Variants in ROBO2 observed in about 807,000 individuals in gnomAD.
ROBO2 encodes roundabout homolog 2.
In ROBO2, 53 loss-of-function variants were observed where a neutral mutation model predicts 160.8. The ratio of observed to expected loss-of-function variants is 0.33; its 90% CI spans 0.26 to 0.41. The LOEUF (loss-of-function observed/expected upper bound fraction) is 0.41. Ranked by LOEUF, ROBO2 falls within the 10% of genes least tolerant of loss-of-function variation. The pLI, the probability that ROBO2 is intolerant of heterozygous loss-of-function variation, is 1.00. For missense variants in ROBO2, 1,577 were observed against 1,722.4 expected (o/e 0.92, Z 1.49); for synonymous variants, 664 against 611.7 (o/e 1.09, Z -1.26).
chr3:76,115,106 T>G (rs2070404560), intron 2 of ROBO2, among the ~76,000 whole-genome samples: 1 of 152,128 alleles, frequency 6.6e-6, no homozygotes, highest in Admixed American at 6.6e-5. Context: ...GAACTCAACT[T>G]CGCATAAATC....
At chr3:77,524,282 A>AATATATAT (rs10637272) in intron 6 of ROBO2, among the ~76,000 whole-genome samples, 28 of 148,416 alleles carry the variant, frequency 1.9e-4, no homozygotes, top group Admixed American at 6.8e-4. Flanking sequence ...ATATGAATTG[A>AATATATAT]ATATATATAT....
chr3:76,364,133 A>G (rs918691802), intron 2 of ROBO2, among the ~76,000 whole-genome samples: 2 of 151,998 alleles, frequency 1.3e-5, no homozygotes, highest in African/African-American at 4.8e-5. Flanking sequence ...ATGCCTGAAG[A>G]CTTGTCTCTC....
At chr3:76,844,104 T>C (rs1413752821) in intron 2 of ROBO2, among the ~76,000 whole-genome samples, 1 of 152,038 alleles carries the variant, frequency 6.6e-6, no homozygotes, top group Admixed American at 6.6e-5. Flanking sequence ...GGCATCTGTT[T>C]TTTATGCTTG....
chr3:76,434,309 G>A, intron 2 of ROBO2: 1 of 1,094,866 alleles, frequency 9.1e-7, no homozygotes, highest in East Asian at 2.4e-5. Flanking sequence ...TTTCCAATTT[G>A]TTGGCACCCA....
chr3:76,450,331 A>G (rs1431560675), intron 2 of ROBO2, among the ~76,000 whole-genome samples: 2 of 152,218 alleles, frequency 1.3e-5, no homozygotes, highest in African/African-American at 4.8e-5. Context: ...TTTTATAGGT[A>G]ATTGAGACTT....
intron 5 of ROBO2, among the ~76,000 whole-genome samples, chr3:77,511,396 C>T (rs577347589): frequency 6.6e-6 from 1 of 152,120 alleles, no homozygotes; most frequent in Non-Finnish European, 1.5e-5. Context: ...GAGAGAGGCT[C>T]TAGCTCCAAG....
exon 13 of ROBO2, chr3:77,568,422 G>C: frequency 6.2e-7 from 1 of 1,612,788 alleles, no homozygotes; most frequent in Non-Finnish European, 8.5e-7. Flanking sequence ...CCACGGTTCA[G>C]GTCACATGGA....
chr3:76,928,358 G>A (rs753338089), intron 2 of ROBO2, among the ~76,000 whole-genome samples: 13 of 152,028 alleles, frequency 8.6e-5, no homozygotes, highest in Non-Finnish European at 1.8e-4. Context: ...TGAGGCTTCC[G>A]AGCTGCAGAG....
At chr3:77,563,543 G>C (rs1210089868) in intron 11 of ROBO2, among the ~76,000 whole-genome samples, 2 of 151,988 alleles carry the variant, frequency 1.3e-5, no homozygotes, top group African/African-American at 4.8e-5. Flanking sequence ...TTCATGCCTA[G>C]GTCTATGGGG....
chr3:76,149,951 C>T (rs71315338), intron 2 of ROBO2, among the ~76,000 whole-genome samples: 1 of 151,256 alleles, frequency 6.6e-6, no homozygotes, highest in African/African-American at 2.4e-5. Flanking sequence ...ACACATCTGT[C>T]TAAAGCACAC....
At chr3:77,124,392 G>C (rs2150299231) in intron 2 of ROBO2, among the ~76,000 whole-genome samples, 1 of 152,252 alleles carries the variant, frequency 6.6e-6, no homozygotes, top group Non-Finnish European at 1.5e-5. Context: ...AGACCCATGT[G>C]ATAGGAGTAG....
chr3:77,295,329 G>T (rs1347332802), intron 2 of ROBO2, among the ~76,000 whole-genome samples: 1 of 150,466 alleles, frequency 6.6e-6, no homozygotes, highest in Non-Finnish European at 1.5e-5. Flanking sequence ...GGTAAGCTGA[G>T]GCTAGATCAC....
In ROBO2 at chr3:76,882,146, TG is replaced by T. The variant is rs567327542; in HGVS notation, c.110-215861del. Among the ~76,000 whole-genome samples, 10 of 150,972 alleles carry T rather than the reference TG, an allele frequency of 6.6e-5. No homozygotes were observed. The South Asian group carries it at 2.1e-3, about 32-fold the overall frequency. On this transcript the variant is annotated intron_variant, in intron 2 of 26. Transcript: ENST00000487694. ...TGTGTCTTTTGGGTGGTAGGTTGGT[TG>T]GGGGGGTGTGTGTGCGTGGGTGATG... is the stretch of plus-strand genomic sequence containing the variant.
chr3:77,162,376 C>T (rs1579514269), intron 2 of ROBO2, among the ~76,000 whole-genome samples: 1 of 152,220 alleles, frequency 6.6e-6, no homozygotes, highest in East Asian at 1.9e-4. Flanking sequence ...AAGTATTGAC[C>T]TTACACATTT....
intron 2 of ROBO2, among the ~76,000 whole-genome samples, chr3:77,363,783 C>T (rs779152382): frequency 2.4e-4 from 37 of 152,196 alleles, no homozygotes; most frequent in Non-Finnish European, 4.7e-4. Context: ...AGTAACCTTT[C>T]AGAAGTTTTA....
At chr3:76,402,543 C>T (rs1441651446) in intron 2 of ROBO2, among the ~76,000 whole-genome samples, 1 of 151,462 alleles carries the variant, frequency 6.6e-6, no homozygotes, top group Non-Finnish European at 1.5e-5. Context: ...TGCTATTGGT[C>T]TCACCCAACT....
chr3:77,114,945 A>G (rs2074052744), intron 2 of ROBO2, among the ~76,000 whole-genome samples: 2 of 152,182 alleles, frequency 1.3e-5, no homozygotes, highest in African/African-American at 4.8e-5. Context: ...TTGAACCCAC[A>G]TTATCTGAAC....
chr3:76,047,955 A>T (rs941466066), intron 2 of ROBO2, among the ~76,000 whole-genome samples: 3 of 152,216 alleles, frequency 2.0e-5, no homozygotes, highest in Non-Finnish European at 4.4e-5. Context: ...TGGTTATATT[A>T]TACCTGTTTG....
intron 2 of ROBO2, among the ~76,000 whole-genome samples, chr3:76,843,865 AAAG>A (rs1394400429): frequency 6.6e-6 from 1 of 152,082 alleles, no homozygotes; most frequent in Admixed American, 6.6e-5. Context: ...CGTGAAAATA[AAAG>A]AAGATTTAGG....
Sources: gnomAD v4.1 joint callset for allele counts (sites outside exome capture counted in the v4.1 genomes callset) on GRCh38, gnomAD v4.1.1 for gene constraint, MANE v1.5 for transcripts, NCBI Gene and HGNC (gene_info 2026-07-23, HGNC 2026-07-21) for gene names.